The following TAPT1 variants were observed in gnomAD, a reference collection of about 807,000 sequenced individuals.
TAPT1 encodes transmembrane anterior posterior transformation 1.
TAPT1 carries 28 observed loss-of-function variants against 65.6 expected under a neutral mutation model. The ratio of observed to expected loss-of-function variants is 0.43; its 90% CI spans 0.32 to 0.59. The LOEUF (loss-of-function observed/expected upper bound fraction) is 0.59. TAPT1 is among the 20% of genes least tolerant of loss of function. The pLI is 0.09. For missense variants in TAPT1, 563 were observed against 679.9 expected, an observed-to-expected ratio of 0.83 and a Z score of 1.91; for synonymous variants, 278 against 245.2, an observed-to-expected ratio of 1.13 and a Z score of -1.25.
chr4:16,217,912 C>G (rs1751033799), intron 1 of TAPT1, among the ~76,000 whole-genome samples: 1 of 152,116 alleles, frequency 6.6e-6, no homozygotes, highest in Non-Finnish European at 1.5e-5. Flanking sequence ...ACCTCAAACC[C>G]CCTGAGGGAA....
At chr4:16,193,126 C>T (rs1578446823) in intron 3 of TAPT1, among the ~76,000 whole-genome samples, 1 of 152,178 alleles carries the variant, frequency 6.6e-6, no homozygotes, top group Admixed American at 6.5e-5. Context: ...TTTGGCTGAT[C>T]TATTTACAGA....
intron 1 of TAPT1, among the ~76,000 whole-genome samples, chr4:16,217,892 G>A (rs1477193995): frequency 4.6e-5 from 7 of 152,148 alleles, no homozygotes; most frequent in Admixed American, 2.6e-4. Flanking sequence ...GTAACCCAAC[G>A]GGTACCTGAA....
intron 7 of TAPT1, among the ~76,000 whole-genome samples, chr4:16,186,158 T>A (rs577436247): frequency 1.7e-4 from 26 of 152,298 alleles, no homozygotes; most frequent in African/African-American, 6.0e-4. Flanking sequence ...AGCTAAGGAC[T>A]TAGAGACAAT....
intron 4 of TAPT1, 120 bp from the exon 5 acceptor site, chr4:16,188,475 A>G (rs1181638878): frequency 6.9e-6 from 5 of 728,574 alleles, no homozygotes; most frequent in South Asian, 2.8e-5. Context: ...AAGGCAAGCT[A>G]AAGAGGAGTG....
chr4:16,202,428 ATACATT>A (rs1343226555), intron 3 of TAPT1, 28 bp downstream of exon 3: 1 of 1,214,326 alleles, frequency 8.2e-7, no homozygotes, highest in Admixed American at 2.0e-5. Flanking sequence ...ATGAAATACT[ATACATT>A]TACAATAGTT....
At chr4:16,171,809 A>C (rs1052343441) in intron 11 of TAPT1, among the ~76,000 whole-genome samples, 8 of 152,220 alleles carry the variant, frequency 5.3e-5, no homozygotes, top group African/African-American at 1.9e-4. Context: ...TTAAGGCTTA[A>C]ATAACTATAC....
At chr4:16,174,360 C>G in intron 10 of TAPT1, 88 bp from the exon 11 acceptor site, 1 of 1,186,892 alleles carries the variant, frequency 8.4e-7, no homozygotes, top group Non-Finnish European at 1.2e-6. Context: ...AGCAAATGTT[C>G]TAAACAGGTG....
chr4:16,212,691 T>C (rs755465255), intron 2 of TAPT1, among the ~76,000 whole-genome samples: 26 of 152,232 alleles, frequency 1.7e-4, no homozygotes, highest in Non-Finnish European at 3.8e-4. Flanking sequence ...TATTTAATGA[T>C]CCTTGCCAAA....
At chr4:16,168,083 C>A (rs1747754351) in intron 12 of TAPT1, among the ~76,000 whole-genome samples, 1 of 151,386 alleles carries the variant, frequency 6.6e-6, no homozygotes, top group Non-Finnish European at 1.5e-5. Context: ...ACATTAACCT[C>A]AATGCCAGTT....
intron 10 of TAPT1, 136 bp downstream of exon 10, chr4:16,174,534 G>A: frequency 5.4e-6 from 4 of 746,576 alleles, no homozygotes; most frequent in Non-Finnish European, 8.6e-6. Flanking sequence ...TGTTTATTTA[G>A]TGTTGAGAAT....
intron 3 of TAPT1, among the ~76,000 whole-genome samples, chr4:16,198,725 A>C (rs915040285): frequency 6.6e-6 from 1 of 152,220 alleles, no homozygotes; most frequent in African/African-American, 2.4e-5. Flanking sequence ...AAATCGAATA[A>C]TCTTTAATGG....
chr4:16,213,140 T>C (rs939793598), intron 2 of TAPT1, among the ~76,000 whole-genome samples: 3 of 152,232 alleles, frequency 2.0e-5, no homozygotes, highest in South Asian at 4.1e-4. Context: ...AATTTTGGAA[T>C]TGCTTAGACT....
chr4:16,175,392 C>G (rs140757462), intron 9 of TAPT1, among the ~76,000 whole-genome samples: 86 of 152,162 alleles, frequency 5.7e-4, no homozygotes, highest in African/African-American at 2.0e-3. Flanking sequence ...CATTCAGAAA[C>G]TCATAATTGA....
At chr4:16,222,240 A>C (rs1451155891) in intron 1 of TAPT1, among the ~76,000 whole-genome samples, 1 of 152,216 alleles carries the variant, frequency 6.6e-6, no homozygotes, top group African/African-American at 2.4e-5. Flanking sequence ...AAAGTTAAAA[A>C]CTGTCAAAAG....
At chr4:16,184,094 T>C (rs1748865093) in intron 7 of TAPT1, among the ~76,000 whole-genome samples, 2 of 152,236 alleles carry the variant, frequency 1.3e-5, no homozygotes, top group African/African-American at 4.8e-5. Flanking sequence ...TGATGAGTTC[T>C]GATCAATGCA....
chr4:16,226,171 G>A, intron 1 of TAPT1, 88 bp downstream of exon 1: 2 of 1,051,096 alleles, frequency 1.9e-6, no homozygotes, highest in East Asian at 6.3e-5. Context: ...CGCGCGGCTC[G>A]GGGGCCGGGG....
intron 7 of TAPT1, among the ~76,000 whole-genome samples, chr4:16,184,039 TAAAA>T (rs960630937): frequency 2.6e-5 from 4 of 152,210 alleles, no homozygotes; most frequent in African/African-American, 9.6e-5. Flanking sequence ...AATATACAGG[TAAAA>T]TTTACATACA....
chr4:16,171,040 T>C (rs999031671), intron 11 of TAPT1, among the ~76,000 whole-genome samples: 1 of 152,230 alleles, frequency 6.6e-6, no homozygotes, highest in Non-Finnish European at 1.5e-5. Flanking sequence ...GTCACACTTA[T>C]ACCTCACAGG....
At chr4:16,189,604 G>A (rs941441337) in intron 4 of TAPT1, among the ~76,000 whole-genome samples, 3 of 152,218 alleles carry the variant, frequency 2.0e-5, no homozygotes, top group Non-Finnish European at 2.9e-5. Context: ...TTCAGCAACA[G>A]TAACTATGTC....
Sources: gnomAD v4.1 joint callset for allele counts (sites outside exome capture counted in the v4.1 genomes callset) on GRCh38, gnomAD v4.1.1 for gene constraint, MANE v1.5 for transcripts, NCBI Gene and HGNC (gene_info 2026-07-23, HGNC 2026-07-21) for gene names.